HMBOX1: variants seen among roughly 807,000 people sequenced by gnomAD.
HMBOX1 encodes homeobox containing 1, also known as homeobox-containing protein 1.
In HMBOX1, 14 loss-of-function variants were observed where a neutral mutation model predicts 54.5. The observed-to-expected ratio is 0.26, with a 90% CI of 0.17 to 0.40. The LOEUF is 0.40. Ranked by LOEUF, HMBOX1 falls within the 10% of genes least tolerant of loss-of-function variation. HMBOX1 has a pLI of 1.00. For synonymous variants in HMBOX1, 160 were observed against 181.0 expected, an observed-to-expected ratio of 0.88 and a Z score of 0.93; for missense variants, 332 against 514.4, an observed-to-expected ratio of 0.65 and a Z score of 3.43.
intron 4 of HMBOX1, among the ~76,000 whole-genome samples, chr8:28,992,439 G>T (rs1831113406): frequency 6.6e-6 from 1 of 152,140 alleles, no homozygotes; most frequent in Non-Finnish European, 1.5e-5. Flanking sequence ...CTAAAGCTAA[G>T]TTTCCTGAGG....
At chr8:28,895,445 T>C (rs7838139) in intron 1 of HMBOX1, among the ~76,000 whole-genome samples, 99,792 of 152,100 alleles carry the variant, frequency 0.66, 32,908 homozygotes, top group East Asian at 0.75. Context: ...GAGGCTGAGG[T>C]GGGCAGATCA....
At chr8:28,967,174 C>T (rs1246806952) in intron 2 of HMBOX1, among the ~76,000 whole-genome samples, 2 of 152,144 alleles carry the variant, frequency 1.3e-5, no homozygotes, top group Non-Finnish European at 2.9e-5. Context: ...ATGGGGAGAG[C>T]AAGGTTTGGC....
At chr8:28,921,334 T>A (rs1817523473) in intron 1 of HMBOX1, among the ~76,000 whole-genome samples, 1 of 152,228 alleles carries the variant, frequency 6.6e-6, no homozygotes, top group Non-Finnish European at 1.5e-5. Context: ...AGACCCTGTC[T>A]CAATCATACC....
At chr8:29,040,617 A>T (rs951321032) in intron 6 of HMBOX1, among the ~76,000 whole-genome samples, 1 of 152,202 alleles carries the variant, frequency 6.6e-6, no homozygotes, top group Non-Finnish European at 1.5e-5. Flanking sequence ...GCATGTTTCA[A>T]TGACAATTCA....
intron 6 of HMBOX1, among the ~76,000 whole-genome samples, chr8:29,024,427 C>T (rs574772264): frequency 1.3e-5 from 2 of 152,130 alleles, no homozygotes; most frequent in South Asian, 4.2e-4. Flanking sequence ...GGCATTCGGG[C>T]CTTATGTAGG....
chr8:28,962,914 C>T (rs1825854233), intron 1 of HMBOX1, among the ~76,000 whole-genome samples: 1 of 152,130 alleles, frequency 6.6e-6, no homozygotes, highest in East Asian at 1.9e-4. Flanking sequence ...AGCTCCTCTA[C>T]TGTTGGGACC....
At chr8:29,050,123 T>G (rs112577562) in intron 9 of HMBOX1, 1 of 379,264 alleles carries the variant, frequency 2.6e-6, no homozygotes, top group African/African-American at 2.2e-5. Flanking sequence ...TCTACCCACA[T>G]AGATGGATCA....
Position 29,051,916 on chromosome 8 carries a change from A to C in HMBOX1, c.*761A>C, listed in dbSNP as rs936000695. 3 of 226,692 alleles carry C rather than the reference A, an allele frequency of 1.3e-5. No individual in the cohort carries two copies. The highest frequency in any genetic ancestry group is 1.4e-3 in the Middle Eastern group (1 of 726). The allele number at this position is 226,692 out of a possible 1,614,324, so 14.0% of individuals were successfully genotyped here. A position where few individuals can be genotyped will look rare whatever the true frequency, so the allele number is the denominator to read the frequency against. On this transcript the variant is annotated 3_prime_UTR_variant, in exon 10 of 10. Coordinates refer to ENST00000287701, the MANE Select transcript of HMBOX1 (RefSeq NM_001135726.3). ...AAGTCATTAAAAAAAAAAAAAAAAA[A>C]AACCCAGCTTGAGAGCATTGGAAAA...
intron 1 of HMBOX1, among the ~76,000 whole-genome samples, chr8:28,939,295 A>AC (rs1820934060): frequency 2.0e-5 from 3 of 151,960 alleles, no homozygotes; most frequent in Non-Finnish European, 2.9e-5. Context: ...GTCTAAAAAA[A>AC]AAAAAAAGAA....
At chr8:28,905,355 G>GCACA (rs145777370) in intron 1 of HMBOX1, among the ~76,000 whole-genome samples, 21 of 149,258 alleles carry the variant, frequency 1.4e-4, no homozygotes, top group Admixed American at 3.3e-4. Context: ...ACACACGCAC[G>GCACA]CACACACACA....
At chr8:28,971,227 G>C (rs1032487586) in intron 3 of HMBOX1, among the ~76,000 whole-genome samples, 10 of 151,662 alleles carry the variant, frequency 6.6e-5, no homozygotes, top group African/African-American at 2.2e-4. Flanking sequence ...CGAGTAGCTG[G>C]GGTTACAGGC....
At chr8:28,983,495 C>T (rs1241543571) in intron 4 of HMBOX1, among the ~76,000 whole-genome samples, 1 of 152,210 alleles carries the variant, frequency 6.6e-6, no homozygotes, top group African/African-American at 2.4e-5. Context: ...TTAGTCCTTG[C>T]AGACCTCTCT....
At chr8:29,040,534 T>C (rs1489061397) in intron 6 of HMBOX1, among the ~76,000 whole-genome samples, 1 of 152,220 alleles carries the variant, frequency 6.6e-6, no homozygotes, top group Non-Finnish European at 1.5e-5. Context: ...TTTTTAAACA[T>C]TGAAACATTA....
At chr8:28,951,076 T>A (rs1823329492) in intron 1 of HMBOX1, among the ~76,000 whole-genome samples, 1 of 152,248 alleles carries the variant, frequency 6.6e-6, no homozygotes, top group South Asian at 2.1e-4. Context: ...TTTTAACCTC[T>A]TCTATCTGTT....
chr8:28,953,584 G>C (rs1284149110), intron 1 of HMBOX1, among the ~76,000 whole-genome samples: 1 of 150,248 alleles, frequency 6.7e-6, no homozygotes, highest in Non-Finnish European at 1.5e-5. Flanking sequence ...TTTTCCAGTG[G>C]TTAAGCCTTT....
At chr8:28,960,765 C>CTTTTTTTT (rs1162477676) in intron 1 of HMBOX1, among the ~76,000 whole-genome samples, 30 of 16,180 alleles carry the variant, frequency 1.9e-3, no homozygotes, top group Non-Finnish European at 2.8e-3. Flanking sequence ...TTTTCTTTTT[C>CTTTTTTTT]TTTTTTTTTT....
intron 1 of HMBOX1, among the ~76,000 whole-genome samples, chr8:28,896,090 C>T (rs879726546): frequency 4.6e-5 from 7 of 152,148 alleles, no homozygotes; most frequent in Admixed American, 4.6e-4. Context: ...AGCTATGTGA[C>T]CTTGGGCAAA....
At chr8:28,992,869 CAAAAAAAAAAAAAA>C (rs34488854) in intron 4 of HMBOX1, among the ~76,000 whole-genome samples, 2 of 57,250 alleles carry the variant, frequency 3.5e-5, no homozygotes, top group Non-Finnish European at 5.8e-5. Context: ...GACTCTGTCT[CAAAAAAAAAAAAAA>C]AAAAAAAAAA....
intron 4 of HMBOX1, among the ~76,000 whole-genome samples, chr8:29,002,805 C>G (rs1832844497): frequency 6.6e-6 from 1 of 152,048 alleles, no homozygotes; most frequent in Admixed American, 6.5e-5. Flanking sequence ...TTACTTCTAC[C>G]TGTCCTGTGT....
Sources: gnomAD v4.1 joint callset for allele counts (sites outside exome capture counted in the v4.1 genomes callset) on GRCh38, gnomAD v4.1.1 for gene constraint, MANE v1.5 for transcripts, NCBI Gene and HGNC (gene_info 2026-07-23, HGNC 2026-07-21) for gene names.